The following ZNF827 variants were observed in gnomAD, a reference collection of about 807,000 sequenced individuals.
The protein encoded by ZNF827 is zinc finger protein 827.
Under a neutral mutation model 102.4 loss-of-function variants are expected in ZNF827, and 13 were observed. That is an observed-to-expected ratio of 0.13 (90% confidence interval 0.08 to 0.20). The LOEUF (loss-of-function observed/expected upper bound fraction) is 0.20. Among genes scored for constraint, ZNF827 ranks in the 10% least tolerant of loss-of-function variants. The pLI, the probability that ZNF827 is intolerant of heterozygous loss-of-function variation, is 1.00. For missense variants in ZNF827, 1,103 were observed against 1,344.4 expected (o/e 0.82, Z 2.81); for synonymous variants, 523 against 536.2 (o/e 0.98, Z 0.34).
intron 7 of ZNF827, among the ~76,000 whole-genome samples, chr4:145,827,832 T>C (rs1482309726): frequency 6.6e-6 from 1 of 152,236 alleles, no homozygotes; most frequent in Non-Finnish European, 1.5e-5. Flanking sequence ...AGACACTCCA[T>C]GTGTAACTTT....
At chr4:145,834,898 T>C (rs1311735966) in intron 7 of ZNF827, 1 of 151,930 alleles carries the variant, frequency 6.6e-6, no homozygotes, top group African/African-American at 2.4e-5. Context: ...AAAGTTGCAA[T>C]TCCTTGCCTC....
At chr4:145,824,222 C>G (rs532699023) in intron 7 of ZNF827, among the ~76,000 whole-genome samples, 7 of 152,290 alleles carry the variant, frequency 4.6e-5, no homozygotes, top group Admixed American at 2.6e-4. Flanking sequence ...AGGGTTCCCT[C>G]TAAAACCATG....
At chr4:145,857,431 T>C (rs1402343692) in intron 5 of ZNF827, among the ~76,000 whole-genome samples, 1 of 152,206 alleles carries the variant, frequency 6.6e-6, no homozygotes, top group African/African-American at 2.4e-5. Context: ...TACGTAGATT[T>C]TTAAATTAGT....
At chr4:145,810,917 G>C (rs1290860738) in intron 8 of ZNF827, among the ~76,000 whole-genome samples, 2 of 151,810 alleles carry the variant, frequency 1.3e-5, no homozygotes, top group Admixed American at 6.6e-5. Flanking sequence ...TAAATTCCTA[G>C]AACGAGACAT....
intron 1 of ZNF827, among the ~76,000 whole-genome samples, chr4:145,936,542 A>G (rs1031857623): frequency 1.3e-5 from 2 of 152,012 alleles, no homozygotes; most frequent in African/African-American, 4.8e-5. Flanking sequence ...ATGTTTGCGG[A>G]GCGGACTGCT....
At chr4:145,911,082 T>C (rs1390783517) in intron 1 of ZNF827, among the ~76,000 whole-genome samples, 1 of 152,194 alleles carries the variant, frequency 6.6e-6, no homozygotes, top group African/African-American at 2.4e-5. Context: ...TAAGAACTAT[T>C]TTCAAAATTG....
At chr4:145,821,864 A>G (rs1008601941) in intron 8 of ZNF827, among the ~76,000 whole-genome samples, 5 of 152,220 alleles carry the variant, frequency 3.3e-5, no homozygotes, top group African/African-American at 9.6e-5. Flanking sequence ...AACTTGACCA[A>G]TAAACCCTGC....
chr4:145,822,550 G>GCCAGTACTCAC (rs1202525938), intron 8 of ZNF827, among the ~76,000 whole-genome samples: 2 of 152,186 alleles, frequency 1.3e-5, no homozygotes, highest in Non-Finnish European at 2.9e-5. Flanking sequence ...GTACTGCCCT[G>GCCAGTACTCAC]CACACAGGTG....
chr4:145,901,838 C>G (rs1369398611), intron 2 of ZNF827, among the ~76,000 whole-genome samples: 1 of 151,946 alleles, frequency 6.6e-6, no homozygotes, highest in Non-Finnish European at 1.5e-5. Context: ...GACAAAGATG[C>G]TTTGATCTTC....
At chr4:145,906,290 C>T (rs1468590495) in intron 1 of ZNF827, among the ~76,000 whole-genome samples, 1 of 152,206 alleles carries the variant, frequency 6.6e-6, no homozygotes, top group East Asian at 1.9e-4. Context: ...TCCTGCCAAC[C>T]TCTTGAATCA....
At chr4:145,851,696 C>T (rs1385204948) in intron 5 of ZNF827, among the ~76,000 whole-genome samples, 4 of 152,038 alleles carry the variant, frequency 2.6e-5, no homozygotes, top group Admixed American at 2.0e-4. Context: ...TTAGATCCCT[C>T]CCCCCTTTCC....
intron 3 of ZNF827, among the ~76,000 whole-genome samples, chr4:145,887,404 T>C (rs1400862420): frequency 6.6e-6 from 1 of 152,150 alleles, no homozygotes; most frequent in Non-Finnish European, 1.5e-5. Flanking sequence ...AACATACTTT[T>C]AAATAATGTT....
chr4:145,918,332 C>CAAAAAAAAAAAAAAAAA (rs34428145), intron 1 of ZNF827, among the ~76,000 whole-genome samples: 1 of 22,128 alleles, frequency 4.5e-5, no homozygotes, highest in African/African-American at 2.3e-4. Flanking sequence ...TAGCTCAAGG[C>CAAAAAAAAAAAAAAAAA]AAAAAAAAAA....
intron 5 of ZNF827, among the ~76,000 whole-genome samples, chr4:145,859,489 G>C (rs1747500215): frequency 1.3e-5 from 2 of 152,110 alleles, no homozygotes; most frequent in Admixed American, 1.3e-4. Context: ...TCGTTGGACT[G>C]TGGGGTGGGA....
At chr4:145,805,112 G>A (rs79964181) in intron 8 of ZNF827, among the ~76,000 whole-genome samples, 2 of 142,396 alleles carry the variant, frequency 1.4e-5, no homozygotes, top group African/African-American at 5.2e-5. Context: ...AAATAATGCC[G>A]GAGCAATTCC....
chr4:145,863,462 G>A (rs1231467609), intron 5 of ZNF827, among the ~76,000 whole-genome samples: 3 of 152,144 alleles, frequency 2.0e-5, no homozygotes, highest in African/African-American at 4.8e-5. Context: ...GTTCATAGTA[G>A]CAGAAGATGG....
chr4:145,938,283 C>G, intron 1 of ZNF827, 82 bp downstream of exon 1: 1 of 1,548,390 alleles, frequency 6.5e-7, no homozygotes, highest in South Asian at 1.1e-5. Context: ...ATGCAGAAAA[C>G]AACGGAGGAG....
At position 145,885,331 on chromosome 4, in the gene ZNF827, A is replaced by C. The variant is rs556612337; in HGVS notation, c.1747+347T>G. On this transcript the variant is annotated intron_variant, in intron 4 of 14. Transcript: ENST00000508784. Reference sequence around the variant, plus strand: ...CCAGTGCAGAAGAGACATGTTAAACAGGGCCCAATGTCACACAAGCAACTG... The same window carrying C: ...CCAGTGCAGAAGAGACATGTTAAACCGGGCCCAATGTCACACAAGCAACTG... Among the ~76,000 whole-genome samples the C allele has an allele frequency of 3.0e-4, 46 of 152,290 alleles. No homozygotes were observed. The South Asian group carries it at 9.1e-3, about 30-fold the overall frequency.
At chr4:145,770,291 CCT>C (rs1249346901) in intron 11 of ZNF827, among the ~76,000 whole-genome samples, 1 of 147,550 alleles carries the variant, frequency 6.8e-6, no homozygotes, top group Admixed American at 6.8e-5. Context: ...AGAGTGAGAC[CCT>C]GTCTTAAAAT....
Sources: gnomAD v4.1 joint callset for allele counts (sites outside exome capture counted in the v4.1 genomes callset) on GRCh38, gnomAD v4.1.1 for gene constraint, MANE v1.5 for transcripts, NCBI Gene and HGNC (gene_info 2026-07-23, HGNC 2026-07-21) for gene names.